FXYD1: variants seen among roughly 807,000 people sequenced by gnomAD.
FXYD1 encodes phospholemman.
A neutral mutation model predicts 17.2 loss-of-function variants in FXYD1; 9 were observed. That is an observed-to-expected ratio of 0.52 (90% confidence interval 0.32 to 0.91). The LOEUF is 0.91. Among genes scored for constraint, FXYD1 ranks in the 40% least tolerant of loss-of-function variants. FXYD1 has a pLI of 0.04. For synonymous variants in FXYD1, 55 were observed against 45.8 expected (o/e 1.20, Z -0.81); for missense variants, 113 against 120.6 (o/e 0.94, Z 0.29).
upstream of FXYD1, among the ~76,000 whole-genome samples, chr19:35,137,440 G>A (rs2065216001): frequency 6.6e-6 from 1 of 152,216 alleles, no homozygotes; most frequent in South Asian, 2.1e-4. Context: ...AGCATAGGGT[G>A]TGAACCAGTG....
At position 35,141,591 on chromosome 19, in the gene FXYD1, C is replaced by A. The variant is rs1346973742; in HGVS notation, c.206+19C>A. On this transcript the variant is annotated intron_variant, in intron 5 of 7. Coordinates refer to ENST00000351325, the MANE Select transcript of FXYD1 (RefSeq NM_021902.4). ...AGCAGAGGTAAGACGCCCCTCCCCG[C>A]CCTCCTTCGCCCGCTCCTGCTCTGG... The A allele has an allele frequency of 3.7e-6, 6 of 1,600,916 alleles. No individual in the cohort carries two copies. The East Asian group carries it at 1.1e-4, about 30-fold the overall frequency.
rs201331063 is a variant in FXYD1 at position 35,140,116 on chromosome 19, G to A, written c.37G>A (p.Gly13Ser). 5.9e-5 allele frequency: 95 copies of A among 1,603,418 alleles called. No individual in the cohort carries two copies. Among genetic ancestry groups the A allele is most frequent in the Non-Finnish European group, 6.0e-6 (7 of 1,170,304 alleles). ...TGGCCACATCTTGGTTTTCTGTGTG[G>A]GTCTCCTCACCATGGCCAAGGCAGG... ...SLGHILVFCV[G>S]LLTMAKAESP... Residue 13 changes from glycine to serine, a missense_variant, in exon 2 of 8, where the codon GGT becomes AGT. Physicochemically the swap from Gly to Ser is moderately conservative, Grantham distance 56 (BLOSUM62 0). Transcript: ENST00000351325.
chr19:35,137,390 C>T (rs974764873), upstream of FXYD1, among the ~76,000 whole-genome samples: 7 of 152,346 alleles, frequency 4.6e-5, no homozygotes, highest in Non-Finnish European at 1.0e-4. Context: ...TGTCAGCCTG[C>T]GCATCTGTCA....
At position 35,140,659 on chromosome 19, in the gene FXYD1, G is replaced by T. The variant is rs375147323; in HGVS notation, c.94+30G>T. On this transcript the variant is annotated intron_variant, in intron 3 of 7. Coordinates refer to ENST00000351325, the MANE Select transcript of FXYD1 (RefSeq NM_021902.4). Reference sequence around the variant, plus strand: ...GCGGGGGGTCTAATTTTGAGTCCTGGGGGAGAGCCTGGCTTTGCTGGTCCT... The same window carrying T: ...GCGGGGGGTCTAATTTTGAGTCCTGTGGGAGAGCCTGGCTTTGCTGGTCCT... The T allele has an allele frequency of 3.1e-6, 5 of 1,605,542 alleles. No homozygotes were observed. In the African/African-American group the frequency reaches 6.7e-5, roughly 22 times the overall value.
intron 4 of FXYD1, 36 bp from the exon 5 acceptor site, chr19:35,141,500 G>T: frequency 6.3e-7 from 1 of 1,587,138 alleles, no homozygotes. Flanking sequence ...CCGCCGGGAG[G>T]GAGCCTCAGC....
chr19:35,142,936 A>G lies in FXYD1; in HGVS notation c.*49A>G, dbSNP rs2065271223. Reference sequence around the variant, plus strand: ...TCACAGGACTCCCCTGGCACCTGACATCTCCCACGCTCCACCTGCGCGCCC... The same window carrying G: ...TCACAGGACTCCCCTGGCACCTGACGTCTCCCACGCTCCACCTGCGCGCCC... On this transcript the variant is annotated 3_prime_UTR_variant, in exon 8 of 8. Transcript: ENST00000351325. 1 of 609,702 alleles carries G rather than the reference A, an allele frequency of 1.6e-6. No homozygotes were observed. The highest frequency in any genetic ancestry group is 2.7e-5 in the Admixed American group (1 of 36,734). The allele number at this position is 609,702 out of a possible 1,614,324, so 37.8% of individuals were successfully genotyped here.
chr19:35,139,858 G>A (rs1006888990), intron 1 of FXYD1: 26 of 530,434 alleles, frequency 4.9e-5, no homozygotes, highest in Middle Eastern at 4.7e-4. Context: ...TCCCTGCTAC[G>A]TTGTGTTGTT....
chr19:35,140,720 T>C (rs1600484977), intron 3 of FXYD1, 91 bp downstream of exon 3: 4 of 1,012,810 alleles, frequency 3.9e-6, no homozygotes, highest in Non-Finnish European at 6.2e-6. Context: ...AGTCCCAGTA[T>C]TGATATCTCT....
Position 35,142,925 on chromosome 19 carries a change from T to C in FXYD1, c.*38T>C, listed in dbSNP as rs549307609. On this transcript the variant is annotated 3_prime_UTR_variant, in exon 8 of 8. Coordinates refer to ENST00000351325, the MANE Select transcript of FXYD1 (RefSeq NM_021902.4). Reference sequence around the variant, plus strand: ...CCTTTTCACCCTCACAGGACTCCCCTGGCACCTGACATCTCCCACGCTCCA... The same window carrying C: ...CCTTTTCACCCTCACAGGACTCCCCCGGCACCTGACATCTCCCACGCTCCA... 1 of 628,724 alleles carries C rather than the reference T, an allele frequency of 1.6e-6. No homozygotes were observed. Among genetic ancestry groups the C allele is most frequent in the East Asian group, 2.8e-5 (1 of 35,404 alleles). The allele number at this position is 628,724 out of a possible 1,614,324, so 38.9% of individuals were successfully genotyped here.
intron 5 of FXYD1, among the ~76,000 whole-genome samples, chr19:35,141,945 T>C (rs1239864882): frequency 1.3e-5 from 2 of 152,260 alleles, no homozygotes; most frequent in African/African-American, 2.4e-5. Context: ...TCGAATAAAA[T>C]GTTAAAGCAT....
At chr19:35,142,640 T>G (rs2065267616) in intron 6 of FXYD1, 80 bp from the exon 7 acceptor site, 1 of 1,535,824 alleles carries the variant, frequency 6.5e-7, no homozygotes, top group African/African-American at 1.4e-5. Flanking sequence ...GGGCGGGGAG[T>G]TGCCCCGCCG....
intron 1 of FXYD1, 87 bp from the exon 2 acceptor site, chr19:35,139,989 A>C (rs2065236311): frequency 1.7e-6 from 2 of 1,166,212 alleles, no homozygotes; most frequent in Non-Finnish European, 2.6e-6. Flanking sequence ...TTCAGTCCCC[A>C]GACTGTCTCT....
rs765503312 is a variant in FXYD1 at position 35,142,701 on chromosome 19, A to C, written c.257-19A>C. Reference sequence around the variant, plus strand: ...GGATGCCTCTCCAGAATGACCCCCGATCTCCGTGTTCCCCCCAGGTCTGTC... The same window carrying C: ...GGATGCCTCTCCAGAATGACCCCCGCTCTCCGTGTTCCCCCCAGGTCTGTC... On this transcript the variant is annotated intron_variant, in intron 6 of 7. Transcript: ENST00000351325. 3.5e-5 allele frequency: 56 copies of C among 1,613,066 alleles called. No individual in the cohort carries two copies. Among genetic ancestry groups the C allele is most frequent in the Non-Finnish European group, 4.6e-5 (54 of 1,179,510 alleles).
At chr19:35,139,521 C>A (rs992943272) in intron 1 of FXYD1, 7 of 154,112 alleles carry the variant, frequency 4.5e-5, no homozygotes, top group African/African-American at 1.4e-4. Context: ...CAGGGCTGTG[C>A]GTGACCCCCT....
At chr19:35,142,621 G>A in intron 6 of FXYD1, 99 bp from the exon 7 acceptor site, 1 of 1,546,074 alleles carries the variant, frequency 6.5e-7, no homozygotes, top group Admixed American at 1.7e-5. Context: ...GGCTGGATCT[G>A]AAAGCGGAGG....
In FXYD1 at chr19:35,141,237, C is replaced by T. The variant is rs368832295; in HGVS notation, c.169+31C>T. 46 of 1,339,822 alleles carry T rather than the reference C, an allele frequency of 3.4e-5. No homozygotes were observed. The African/African-American group carries it at 5.3e-4, about 16-fold the overall frequency. 83.0% of individuals were successfully genotyped at this position (1,339,822 alleles called of 1,614,324 possible). A position where few individuals can be genotyped will look rare whatever the true frequency, so the allele number is the denominator to read the frequency against. ...TGCCCCTAGCTCCCGCCCTCTACCC[C>T]GCCTCTCCCTGGCCCCACCTCTCTC... On this transcript the variant is annotated intron_variant, in intron 4 of 7. Transcript: ENST00000351325.
chr19:35,141,222 TCCCGCCCTCTAC>T lies in FXYD1; in HGVS notation c.169+23_169+34del. 1 of 1,510,902 alleles carries T rather than the reference TCCCGCCCTCTAC, an allele frequency of 6.6e-7. No homozygotes were observed. The highest frequency in any genetic ancestry group is 9.1e-7 in the Non-Finnish European group (1 of 1,095,508). 93.6% of individuals were successfully genotyped at this position (1,510,902 alleles called of 1,614,324 possible). ...ATCGTGCTGAGTGAGTGCCCCTAGC[TCCCGCCCTCTAC>T]CCCGCCTCTCCCTGGCCCCACCTCT... On this transcript the variant is annotated intron_variant, in intron 4 of 7. Coordinates refer to ENST00000351325, the MANE Select transcript of FXYD1 (RefSeq NM_021902.4).
intron 5 of FXYD1, chr19:35,142,188 C>A (rs982666681): frequency 1.9e-5 from 7 of 376,760 alleles, no homozygotes; most frequent in African/African-American, 1.3e-4. Context: ...CAGGCCATCT[C>A]ATGGCAGTCT....
At chr19:35,141,664 C>A in intron 5 of FXYD1, 92 bp downstream of exon 5, 3 of 1,016,042 alleles carry the variant, frequency 3.0e-6, no homozygotes, top group Non-Finnish European at 3.0e-6. Flanking sequence ...GCAGCCCGAT[C>A]CCCGTCAGCG....
Sources: gnomAD v4.1 joint callset for allele counts (sites outside exome capture counted in the v4.1 genomes callset) on GRCh38, gnomAD v4.1.1 for gene constraint, MANE v1.5 for transcripts, NCBI Gene and HGNC (gene_info 2026-07-23, HGNC 2026-07-21) for gene names.